Variants in TRPM3 observed in about 807,000 individuals in gnomAD.
TRPM3 encodes the protein transient receptor potential cation channel subfamily M member 3, also known as long transient receptor potential channel 3.
Under a neutral mutation model 181.2 loss-of-function variants are expected in TRPM3, and 77 were observed. That is an observed-to-expected ratio of 0.42 (90% CI 0.35 to 0.51). The LOEUF (loss-of-function observed/expected upper bound fraction) is 0.51. TRPM3 is among the 20% of genes least tolerant of loss of function. TRPM3 has a pLI of 0.01. For missense variants in TRPM3, 1,759 were observed against 2,196.7 expected, an observed-to-expected ratio of 0.80 and a Z score of 3.98; for synonymous variants, 745 against 796.4, an observed-to-expected ratio of 0.94 and a Z score of 1.09.
At chr9:71,047,083 G>A (rs1402844520) in intron 1 of TRPM3, among the ~76,000 whole-genome samples, 1 of 152,138 alleles carries the variant, frequency 6.6e-6, no homozygotes, top group African/African-American at 2.4e-5. Context: ...AATTCCTCCA[G>A]ATCATAAGGG....
chr9:70,594,146 G>T (rs941401955), intron 21 of TRPM3, among the ~76,000 whole-genome samples: 3 of 148,924 alleles, frequency 2.0e-5, no homozygotes, highest in Non-Finnish European at 4.5e-5. Context: ...GAAAGAAAAA[G>T]AAATGTAGCT....
rs143141064 is a variant in TRPM3 at position 70,868,435 on chromosome 9, T to C, written c.178-3924A>G. On this transcript the variant is annotated intron_variant, in intron 1 of 25. Transcript: ENST00000677713. The stretch of plus-strand genomic sequence containing the variant: ...CATCAAAATAATAAAAACAAGTCTG[T>C]AAATATTGCTTTAAAAAATTAAGTC... Among the ~76,000 whole-genome samples the C allele has an allele frequency of 3.8e-3, 574 of 152,178 alleles. 6 individuals carry two copies. The highest frequency in any genetic ancestry group is 0.013 in the African/African-American group (542 of 41,562).
At chr9:71,420,930 G>A (rs1331181728) in intron 1 of TRPM3, among the ~76,000 whole-genome samples, 1 of 125,178 alleles carries the variant, frequency 8.0e-6, no homozygotes, top group African/African-American at 3.6e-5. Flanking sequence ...AGAGAAAAAG[G>A]GAGAGAAAAA....
At chr9:70,555,118 G>A (rs771825080) in intron 22 of TRPM3, among the ~76,000 whole-genome samples, 5 of 152,208 alleles carry the variant, frequency 3.3e-5, no homozygotes, top group South Asian at 2.1e-4. Context: ...AATGCCATGC[G>A]CTCTCTTACT....
chr9:71,095,758 C>CAAAAAA (rs34934062), intron 1 of TRPM3, among the ~76,000 whole-genome samples: 5 of 85,190 alleles, frequency 5.9e-5, no homozygotes, highest in African/African-American at 1.3e-4. Context: ...GACTCTGTGT[C>CAAAAAA]AAAAAAAAAA....
chr9:71,134,032 C>G (rs111654371), intron 1 of TRPM3, among the ~76,000 whole-genome samples: 4 of 150,300 alleles, frequency 2.7e-5, no homozygotes, highest in African/African-American at 9.8e-5. Flanking sequence ...CGCGCGCGCG[C>G]GTGTCTGTGT....
At chr9:71,318,312 C>T (rs771106607) in intron 1 of TRPM3, among the ~76,000 whole-genome samples, 5 of 152,066 alleles carry the variant, frequency 3.3e-5, no homozygotes, top group Admixed American at 6.6e-5. Context: ...TTTTTGACAA[C>T]TAAAATGGCA....
chr9:70,688,883 C>T (rs1288641617), intron 8 of TRPM3, among the ~76,000 whole-genome samples: 3 of 152,164 alleles, frequency 2.0e-5, no homozygotes, highest in Non-Finnish European at 4.4e-5. Context: ...CACTTCCAAT[C>T]TCTATTTGCA....
At chr9:70,743,534 G>A (rs536462897) in intron 8 of TRPM3, among the ~76,000 whole-genome samples, 12 of 152,180 alleles carry the variant, frequency 7.9e-5, no homozygotes, top group African/African-American at 1.2e-4. Context: ...GAAGCACAGC[G>A]AGGGTAATGT....
At chr9:71,041,580 G>A (rs2132960749) in intron 1 of TRPM3, among the ~76,000 whole-genome samples, 1 of 152,200 alleles carries the variant, frequency 6.6e-6, no homozygotes, top group Non-Finnish European at 1.5e-5. Flanking sequence ...CATAGAAAAA[G>A]GCTGTTATTT....
intron 1 of TRPM3, among the ~76,000 whole-genome samples, chr9:71,234,646 A>G (rs1428572063): frequency 6.6e-6 from 1 of 152,130 alleles, no homozygotes; most frequent in African/African-American, 2.4e-5. Flanking sequence ...TTCTTCTTAT[A>G]AGAACACCAG....
At chr9:70,885,701 A>T (rs1219340262) in intron 1 of TRPM3, among the ~76,000 whole-genome samples, 1 of 152,128 alleles carries the variant, frequency 6.6e-6, no homozygotes, top group Non-Finnish European at 1.5e-5. Flanking sequence ...CTAAGCTCAA[A>T]ATCCATTCTC....
At chr9:70,934,683 T>C (rs549350071) in intron 1 of TRPM3, among the ~76,000 whole-genome samples, 1 of 152,146 alleles carries the variant, frequency 6.6e-6, no homozygotes, top group South Asian at 2.1e-4. Flanking sequence ...TTTGCCATTA[T>C]GGCAAAAAAA....
At chr9:70,917,503 C>T (rs1317908844) in intron 1 of TRPM3, 9 of 726,026 alleles carry the variant, frequency 1.2e-5, no homozygotes, top group Non-Finnish European at 2.3e-5. Flanking sequence ...CCAAGGGAGC[C>T]ACCACGATAA....
chr9:71,215,237 T>C (rs1321045321), intron 1 of TRPM3, among the ~76,000 whole-genome samples: 1 of 152,238 alleles, frequency 6.6e-6, no homozygotes, highest in Non-Finnish European at 1.5e-5. Flanking sequence ...TTAATGTATG[T>C]TAATAAGGCA....
chr9:71,279,799 C>T (rs1477515961), intron 1 of TRPM3, among the ~76,000 whole-genome samples: 7 of 152,102 alleles, frequency 4.6e-5, no homozygotes, highest in Non-Finnish European at 1.0e-4. Flanking sequence ...TTATCCCGGC[C>T]GGGCGCGGTG....
intron 1 of TRPM3, among the ~76,000 whole-genome samples, chr9:71,337,968 A>T (rs1445996454): frequency 6.6e-6 from 1 of 152,044 alleles, no homozygotes; most frequent in Non-Finnish European, 1.5e-5. Context: ...GCATTAGGAG[A>T]AATACCTAAT....
intron 19 of TRPM3, among the ~76,000 whole-genome samples, chr9:70,607,661 G>A (rs535234977): frequency 2.2e-4 from 34 of 152,296 alleles, no homozygotes; most frequent in Admixed American, 4.6e-4. Flanking sequence ...AGCCTCTTAG[G>A]CTCCTTCCTG....
At chr9:71,242,933 C>T (rs896332853) in intron 1 of TRPM3, among the ~76,000 whole-genome samples, 2 of 152,130 alleles carry the variant, frequency 1.3e-5, no homozygotes, top group African/African-American at 4.8e-5. Flanking sequence ...CCTGTTTGCC[C>T]GATTTAATAC....
Sources: gnomAD v4.1 joint callset for allele counts (sites outside exome capture counted in the v4.1 genomes callset) on GRCh38, gnomAD v4.1.1 for gene constraint, MANE v1.5 for transcripts, NCBI Gene and HGNC (gene_info 2026-07-23, HGNC 2026-07-21) for gene names.